The following FAM86B2 variants were observed in gnomAD, a reference collection of about 807,000 sequenced individuals.
FAM86B2 encodes the protein family with sequence similarity 86 member B2.
FAM86B2 carries 1 observed loss-of-function variant against 26.5 expected under a neutral mutation model. The ratio of observed to expected loss-of-function variants is 0.04; its 90% CI spans 0.01 to 0.18. The LOEUF (loss-of-function observed/expected upper bound fraction) is 0.18, where lower values mean the gene tolerates loss of function less well. Among genes scored for constraint, FAM86B2 ranks in the 10% least tolerant of loss-of-function variants. The pLI, the probability that FAM86B2 is intolerant of heterozygous loss-of-function variation, is 1.00. For missense variants in FAM86B2, 43 were observed against 303.5 expected (o/e 0.14, Z 6.38); for synonymous variants, 11 against 127.8 (o/e 0.09, Z 6.17).
intron 6 of FAM86B2, among the ~76,000 whole-genome samples, chr8:12,428,427 G>C (rs1350342373): frequency 6.6e-6 from 1 of 152,104 alleles, no homozygotes; most frequent in Non-Finnish European, 1.5e-5. Context: ...GAGTATGCCT[G>C]TCTCCAACAA....
intron 1 of FAM86B2, among the ~76,000 whole-genome samples, chr8:12,435,867 CAGG>C (rs1246177593): frequency 1.4e-5 from 2 of 141,090 alleles, no homozygotes; most frequent in African/African-American, 5.2e-5. Flanking sequence ...TCACCACGCT[CAGG>C]AGGAGGTGGT....
intron 6 of FAM86B2, among the ~76,000 whole-genome samples, chr8:12,428,152 C>G (rs1440729986): frequency 7.7e-6 from 1 of 130,318 alleles, no homozygotes; most frequent in Non-Finnish European, 1.7e-5. Context: ...GGTCTGCTGG[C>G]TTGCAGGGGT....
Position 12,424,749 on chromosome 8 carries a change from G to A in FAM86B2, c.*1140C>T, listed in dbSNP as rs1241399565. 1 of 348,588 alleles carries A rather than the reference G, an allele frequency of 2.9e-6. No homozygotes were observed. The highest frequency in any genetic ancestry group is 4.7e-6 in the Non-Finnish European group (1 of 213,892). The allele number at this position is 348,588 out of a possible 1,614,324, so 21.6% of individuals were successfully genotyped here. On this transcript the variant is annotated 3_prime_UTR_variant, in exon 8 of 8. Transcript: ENST00000262365. ...GTTGTGAAGGGTCTCAAGTCCAAGT[G>A]AGGGAGTTAGGGACTTGGGAGGGGT... is the stretch of plus-strand genomic sequence containing the variant.
chr8:12,435,576 C>A (rs1388592078), intron 1 of FAM86B2, among the ~76,000 whole-genome samples: 1 of 137,432 alleles, frequency 7.3e-6, no homozygotes, highest in African/African-American at 2.7e-5. Context: ...ATGGGGCAGA[C>A]CCAGGGAGGA....
intron 3 of FAM86B2, among the ~76,000 whole-genome samples, chr8:12,430,931 T>TGCAGGCTGTGGCTGTCA (rs1798131180): frequency 2.3e-4 from 3 of 12,964 alleles, no homozygotes; most frequent in African/African-American, 2.5e-4. Context: ...CGGCCCATGC[T>TGCAGGCTGTGGCTGTCA]GCAGGCTGTG....
rs1486273585 is a variant in FAM86B2, at chr8:12,429,447, T to A, written c.343-333A>T. 4.1e-5 allele frequency among the ~76,000 whole-genome samples: 3 copies of A among 72,312 alleles called. 1 individual carries two copies. Among genetic ancestry groups the A allele is most frequent in the African/African-American group, 1.5e-4 (3 of 19,894 alleles). 47.4% of individuals were successfully genotyped at this position (72,312 alleles called of 152,430 possible). On this transcript the variant is annotated intron_variant, in intron 4 of 7. Transcript: ENST00000262365. ...TGCCTTGTGATGATTCAATATGCTA[T>A]GTTTTTCCTTTGTGGTTTTCTGTAT...
intron 3 of FAM86B2, among the ~76,000 whole-genome samples, chr8:12,431,838 A>G (rs1367829737): frequency 2.0e-4 from 11 of 55,280 alleles, no homozygotes; most frequent in South Asian, 8.1e-4. Flanking sequence ...CTAGGAGCTG[A>G]GGCCCCAGAG....
chr8:12,435,595 C>A (rs1798601428), intron 1 of FAM86B2, among the ~76,000 whole-genome samples: 1 of 137,314 alleles, frequency 7.3e-6, no homozygotes, highest in African/African-American at 2.7e-5. Flanking sequence ...GAATATATAT[C>A]CCAACTGACT....
chr8:12,431,628 G>A (rs1271738721), intron 3 of FAM86B2, among the ~76,000 whole-genome samples: 51 of 65,784 alleles, frequency 7.8e-4, no homozygotes, highest in Non-Finnish European at 1.1e-3. Flanking sequence ...ATTCCAGCAG[G>A]ATCAATGCAG....
Position 12,427,660 on chromosome 8 carries a change from G to A in FAM86B2, c.889C>T (p.Leu297=). 3.6e-6 allele frequency: 4 copies of A among 1,100,946 alleles called. 2 individuals are homozygous for A. The highest frequency in any genetic ancestry group is 2.5e-6 in the Non-Finnish European group (2 of 800,520). The allele number at this position is 1,100,946 out of a possible 1,614,324, so 68.2% of individuals were successfully genotyped here. The change falls in exon 7 of 8, where the codon CTA becomes TTA. Residue 297 remains leucine (L), a synonymous_variant. Coordinates refer to ENST00000262365, the MANE Select transcript of FAM86B2 (RefSeq NM_001137610.3). The part of the protein sequence containing the change: ...PETCQLFTTE[L]GRDGIRWEAE... The stretch of plus-strand genomic sequence containing the variant: ...CCGGGTGGGCGTGGGGGTTCACCTA[G>A]CTCGGTGGTGAACAGCTGGCATGTC...
intron 7 of FAM86B2, among the ~76,000 whole-genome samples, chr8:12,427,327 T>C (rs1812726526): frequency 9.6e-6 from 1 of 103,740 alleles, no homozygotes; most frequent in African/African-American, 3.1e-5. Context: ...CACAGCTGTG[T>C]CCAGCCCTGA....
chr8:12,432,792 G>A (rs1312235570), intron 2 of FAM86B2, among the ~76,000 whole-genome samples: 5 of 149,872 alleles, frequency 3.3e-5, no homozygotes, highest in Admixed American at 1.3e-4. Flanking sequence ...CTGGCTGGGA[G>A]GGATGCAGAT....
At chr8:12,434,908 T>A (rs1490656873) in intron 1 of FAM86B2, among the ~76,000 whole-genome samples, 1 of 151,672 alleles carries the variant, frequency 6.6e-6, no homozygotes, top group Non-Finnish European at 1.5e-5. Flanking sequence ...TTCCCTGTTT[T>A]ATTGGCTTTA....
rs3988737 is a variant in FAM86B2, at chr8:12,428,540, C to T, written c.742+93G>A. The T allele has an allele frequency of 0.017, 25,156 of 1,457,906 alleles. 360 individuals are homozygous for T. In the African/African-American group the frequency reaches 0.23, roughly 13 times the overall value. The allele number at this position is 1,457,906 out of a possible 1,614,324, so 90.3% of individuals were successfully genotyped here. On this transcript the variant is annotated intron_variant, in intron 6 of 7. Transcript: ENST00000262365. ...CTGGAAGCCCCATCACGTCCATGCCCGACAGTGTCCATTGTTCCCTTTTCC... is the reference window on the plus strand; with the variant it reads ...CTGGAAGCCCCATCACGTCCATGCCTGACAGTGTCCATTGTTCCCTTTTCC...
At position 12,424,598 on chromosome 8, in the gene FAM86B2, G is replaced by T. The variant is rs1812548939; in HGVS notation, c.*1291C>A. ...GTTGGCCAGAGGCCGAGAGGAGGGTGCTCACAGGGGAACGTACAGCATGTA... is the reference window on the plus strand; with the variant it reads ...GTTGGCCAGAGGCCGAGAGGAGGGTTCTCACAGGGGAACGTACAGCATGTA... On this transcript the variant is annotated 3_prime_UTR_variant, in exon 8 of 8. Coordinates refer to ENST00000262365, the MANE Select transcript of FAM86B2 (RefSeq NM_001137610.3). Among the ~76,000 whole-genome samples the T allele has an allele frequency of 7.5e-6, 1 of 134,148 alleles. No individual in the cohort carries two copies. The highest frequency in any genetic ancestry group is 2.6e-5 in the African/African-American group (1 of 38,728). 88.0% of individuals were successfully genotyped at this position (134,148 alleles called of 152,430 possible).
chr8:12,429,557 G>T (rs1336078855), intron 4 of FAM86B2, among the ~76,000 whole-genome samples: 1 of 63,398 alleles, frequency 1.6e-5, no homozygotes, highest in Non-Finnish European at 3.0e-5. Flanking sequence ...TGCAACATCT[G>T]CCTCCTGGGT....
Position 12,424,440 on chromosome 8 carries a change from C to T in FAM86B2, c.*1449G>A, listed in dbSNP as rs1812541647. Reference sequence around the variant, plus strand: ...GGGGTGTGGCTTTGTTCCAACAAAGCTTTATTTACAAACACAGGCTGTGGG... The same window carrying T: ...GGGGTGTGGCTTTGTTCCAACAAAGTTTTATTTACAAACACAGGCTGTGGG... On this transcript the variant is annotated 3_prime_UTR_variant, in exon 8 of 8. Coordinates refer to ENST00000262365, the MANE Select transcript of FAM86B2 (RefSeq NM_001137610.3). Among the ~76,000 whole-genome samples, 1 of 122,800 alleles carries T rather than the reference C, an allele frequency of 8.1e-6. No homozygotes were observed. Among genetic ancestry groups the T allele is most frequent in the African/African-American group, 2.9e-5 (1 of 34,650 alleles). 80.6% of individuals were successfully genotyped at this position (122,800 alleles called of 152,430 possible).
intron 4 of FAM86B2, 133 bp downstream of exon 4, chr8:12,430,214 AAAG>A (rs1221661782): frequency 2.7e-6 from 3 of 1,128,690 alleles, no homozygotes; most frequent in Non-Finnish European, 3.7e-6. Flanking sequence ...AACTGAGGCT[AAAG>A]AAGGTTAATG....
At chr8:12,428,463 T>G (rs1253570830) in intron 6 of FAM86B2, among the ~76,000 whole-genome samples, 170 bp downstream of exon 6, 13,351 of 139,140 alleles carry the variant, frequency 0.096, 169 homozygotes, top group African/African-American at 0.3. Context: ...AAGGTCACCT[T>G]AAGAGGCACC....
Sources: allele counts gnomAD v4.1 joint callset (sites outside exome capture counted in the v4.1 genomes callset), GRCh38; gene constraint gnomAD v4.1.1; transcripts MANE v1.5; gene names NCBI Gene and HGNC (gene_info 2026-07-23, HGNC 2026-07-21).